The following CTNNA3 variants were observed in gnomAD, a reference collection of about 807,000 sequenced individuals.
CTNNA3 encodes the protein catenin alpha 3.
CTNNA3 carries 76 observed loss-of-function variants against 95.7 expected under a neutral mutation model. The observed-to-expected ratio is 0.79, with a 90% CI of 0.66 to 0.96. CTNNA3 has a LOEUF of 0.96. Among genes scored for constraint, CTNNA3 ranks in the 40% least tolerant of loss-of-function variants. The pLI, the probability that CTNNA3 is intolerant of heterozygous loss-of-function variation, is 0.00. For missense variants in CTNNA3, 1,191 were observed against 1,089.8 expected (o/e 1.09, Z -1.31); for synonymous variants, 431 against 374.4 (o/e 1.15, Z -1.74).
chr10:66,040,915 T>C (rs1458456025), intron 15 of CTNNA3, among the ~76,000 whole-genome samples: 1 of 152,136 alleles, frequency 6.6e-6, no homozygotes, highest in Non-Finnish European at 1.5e-5. Context: ...CAAATTAGTA[T>C]GCGAAAGTTT....
At chr10:67,361,534 A>G (rs1012045893) in intron 5 of CTNNA3, among the ~76,000 whole-genome samples, 3 of 152,210 alleles carry the variant, frequency 2.0e-5, no homozygotes, top group African/African-American at 7.2e-5. Context: ...TTGGGTAAAC[A>G]GCAAAATCAA....
At chr10:67,427,481 C>T (rs189981348) in intron 5 of CTNNA3, among the ~76,000 whole-genome samples, 3 of 152,036 alleles carry the variant, frequency 2.0e-5, no homozygotes, top group African/African-American at 7.2e-5. Flanking sequence ...TGTTTTGGCC[C>T]CTTCTCTTTG....
At chr10:67,704,216 G>C (rs1841062899) in intron 1 of CTNNA3, among the ~76,000 whole-genome samples, 1 of 152,162 alleles carries the variant, frequency 6.6e-6, no homozygotes, top group African/African-American at 2.4e-5. Flanking sequence ...GTAATTTATA[G>C]ATTCAATGCC....
intron 11 of CTNNA3, among the ~76,000 whole-genome samples, chr10:66,447,332 G>T (rs28832407): frequency 0.37 from 53,473 of 145,178 alleles, 10,429 homozygotes; most frequent in African/African-American, 0.48. Flanking sequence ...TACTTTAAAG[G>T]TCATATGGAA....
At chr10:66,763,534 CCTGT>C (rs757944470) in intron 9 of CTNNA3, among the ~76,000 whole-genome samples, 14 of 152,024 alleles carry the variant, frequency 9.2e-5, no homozygotes, top group Non-Finnish European at 1.5e-4. Context: ...TAGATATTAT[CCTGT>C]CTAACTTTCA....
intron 7 of CTNNA3, among the ~76,000 whole-genome samples, chr10:66,968,161 A>G (rs533771095): frequency 6.6e-6 from 1 of 152,188 alleles, no homozygotes; most frequent in African/African-American, 2.4e-5. Flanking sequence ...ATTAGATAGA[A>G]TTACTCAAGA....
intron 10 of CTNNA3, among the ~76,000 whole-genome samples, chr10:66,600,363 C>T (rs1236705286): frequency 6.6e-6 from 1 of 151,686 alleles, no homozygotes; most frequent in Non-Finnish European, 1.5e-5. Context: ...TCCAGTATCA[C>T]TCATGTGCGT....
At chr10:66,175,750 C>G (rs944040825) in intron 13 of CTNNA3, among the ~76,000 whole-genome samples, 18 of 152,248 alleles carry the variant, frequency 1.2e-4, no homozygotes, top group African/African-American at 4.3e-4. Context: ...CTGATGCTAA[C>G]ACTCAGGATT....
chr10:66,900,443 C>A (rs1564752344), intron 7 of CTNNA3, among the ~76,000 whole-genome samples: 1 of 151,930 alleles, frequency 6.6e-6, no homozygotes, highest in Non-Finnish European at 1.5e-5. Flanking sequence ...CAGAAAATTT[C>A]AAAAAAACAG....
intron 17 of CTNNA3, among the ~76,000 whole-genome samples, chr10:65,950,644 T>A (rs2133206710): frequency 6.6e-6 from 1 of 152,276 alleles, no homozygotes. Context: ...AAATAATTAA[T>A]CTCCTCCCTC....
intron 9 of CTNNA3, among the ~76,000 whole-genome samples, chr10:66,725,891 C>T (rs1012213594): frequency 4.6e-5 from 7 of 151,980 alleles, no homozygotes; most frequent in African/African-American, 1.7e-4. Flanking sequence ...TGGAAGTTGG[C>T]CTAATACTAG....
intron 1 of CTNNA3, among the ~76,000 whole-genome samples, chr10:67,653,210 T>C (rs1026107972): frequency 5.9e-5 from 9 of 152,124 alleles, no homozygotes; most frequent in Admixed American, 5.9e-4. Context: ...CACACACTTT[T>C]AAACAGCCAG....
chr10:66,547,850 T>C (rs1842087014), intron 10 of CTNNA3, among the ~76,000 whole-genome samples: 1 of 152,096 alleles, frequency 6.6e-6, no homozygotes. Context: ...TTTCTTTCAA[T>C]TATGATTTTT....
intron 2 of CTNNA3, among the ~76,000 whole-genome samples, chr10:67,619,950 T>C (rs370793902): frequency 9.2e-5 from 14 of 151,944 alleles, no homozygotes; most frequent in African/African-American, 3.4e-4. Context: ...TAAATCAGTC[T>C]TGATTCCCAT....
intron 9 of CTNNA3, among the ~76,000 whole-genome samples, chr10:66,659,871 G>A (rs1304216637): frequency 6.6e-6 from 1 of 152,076 alleles, no homozygotes; most frequent in Non-Finnish European, 1.5e-5. Context: ...CCACTTTATG[G>A]TATTGTTTTA....
chr10:66,084,181 A>G (rs1467844104), intron 14 of CTNNA3, among the ~76,000 whole-genome samples: 1 of 151,188 alleles, frequency 6.6e-6, no homozygotes, highest in Non-Finnish European at 1.5e-5. Context: ...AGAAAAGGAA[A>G]GAAAAAAAGA....
At chr10:66,381,232 G>A (rs2092835810) in intron 11 of CTNNA3, among the ~76,000 whole-genome samples, 1 of 152,078 alleles carries the variant, frequency 6.6e-6, no homozygotes. Flanking sequence ...GGCCTGAACA[G>A]TCTGTCCCCT....
intron 2 of CTNNA3, among the ~76,000 whole-genome samples, chr10:67,615,195 T>C (rs1009723016): frequency 2.0e-5 from 3 of 152,256 alleles, no homozygotes; most frequent in African/African-American, 7.2e-5. Flanking sequence ...TAGGGTTTTG[T>C]TTGTTTGTTA....
At chr10:66,981,727 C>T (rs1850452903) in intron 7 of CTNNA3, among the ~76,000 whole-genome samples, 1 of 152,220 alleles carries the variant, frequency 6.6e-6, no homozygotes. Flanking sequence ...ATTGCAAACT[C>T]ATGCATTATG....
Sources: allele counts gnomAD v4.1 joint callset (sites outside exome capture counted in the v4.1 genomes callset), GRCh38; gene constraint gnomAD v4.1.1; transcripts MANE v1.5; gene names NCBI Gene and HGNC (gene_info 2026-07-23, HGNC 2026-07-21).